The following PAFAH1B3 variants were observed in gnomAD, a reference collection of about 807,000 sequenced individuals.
PAFAH1B3 encodes the protein platelet activating factor acetylhydrolase 1b catalytic subunit 3.
A neutral mutation model predicts 24.4 loss-of-function variants in PAFAH1B3; 15 were observed. The observed-to-expected ratio is 0.62, with a 90% CI of 0.41 to 0.95. The LOEUF (loss-of-function observed/expected upper bound fraction) is 0.95, where lower values mean the gene tolerates loss of function less well. Ranked by LOEUF, PAFAH1B3 falls within the 40% of genes least tolerant of loss-of-function variation. The probability of loss-of-function intolerance (pLI) is 0.00; values close to 1 mark genes in which losing one functional copy is unlikely to be tolerated. For synonymous variants in PAFAH1B3, 144 were observed against 126.5 expected (o/e 1.14, Z -0.93); for missense variants, 266 against 312.2 (o/e 0.85, Z 1.12).
chr19:42,297,932 C>A (rs1358556298), intron 4 of PAFAH1B3, among the ~76,000 whole-genome samples: 1 of 152,046 alleles, frequency 6.6e-6, no homozygotes, highest in Non-Finnish European at 1.5e-5. Flanking sequence ...CAGTGGCTCA[C>A]GCCTGTAATC....
Position 42,301,805 on chromosome 19 carries a change from C to A in PAFAH1B3, c.168+145G>T, listed in dbSNP as rs894016940. On this transcript the variant is annotated intron_variant, in intron 2 of 4. Transcript: ENST00000262890. ...ATTTCTTTCTCAATAGAATGTTGCA[C>A]CTTACACCAAGATTCTCAGAGCCTC... is the stretch of plus-strand genomic sequence containing the variant. 1.4e-5 allele frequency: 9 copies of A among 630,490 alleles called. No homozygotes were observed. In the South Asian group the frequency reaches 1.7e-4, roughly 12 times the overall value. The allele number at this position is 630,490 out of a possible 1,614,324, so 39.1% of individuals were successfully genotyped here.
In PAFAH1B3 at chr19:42,300,109, A is replaced by G. The variant is rs199884824; in HGVS notation, c.286-17T>C. 184 of 1,613,916 alleles carry G rather than the reference A, an allele frequency of 1.1e-4. No individual in the cohort carries two copies. The highest frequency in any genetic ancestry group is 3.7e-5 in the Non-Finnish European group (44 of 1,179,952). On this transcript the variant is annotated splice_polypyrimidine_tract_variant and intron_variant, in intron 3 of 4. Coordinates refer to ENST00000262890, the MANE Select transcript of PAFAH1B3 (RefSeq NM_002573.4). ...CACCACAATCTGTGGAAAAAGAGAC[A>G]TGAAGCAGCGGTGAGGGGGCAGCCA... is the stretch of plus-strand genomic sequence containing the variant.
intron 4 of PAFAH1B3, 53 bp downstream of exon 4, chr19:42,299,917 A>AG: frequency 1.2e-6 from 2 of 1,609,092 alleles, no homozygotes; most frequent in Admixed American, 3.3e-5. Flanking sequence ...GCTATATCTG[A>AG]GGGGGTCCCA....
In PAFAH1B3 at chr19:42,302,271, C is replaced by A. The variant is rs563279266; in HGVS notation, c.39G>T (p.Pro13=). Residue 13 remains proline, a synonymous_variant, in exon 1 of 5, where the codon CCG becomes CCT. Transcript: ENST00000262890. The stretch of plus-strand genomic sequence containing the variant: ...GCCCGTCGCCCTGTACGTCCTGCAC[C>A]GGCGTGGGCTTGCTGGCTGGGTTCT... ...GEENPASKPT[P]VQDVQGDGRW... 73 of 1,607,294 alleles carry A rather than the reference C, an allele frequency of 4.5e-5. No individual in the cohort carries two copies. The South Asian group carries it at 7.1e-4, about 16-fold the overall frequency.
In PAFAH1B3 at chr19:42,299,978, C is replaced by A; in HGVS notation, c.400G>T (p.Val134Leu). The stretch of plus-strand genomic sequence containing the variant: ...CTCTCCCAGCCTCTCACCAGCACCA[C>A]AACCCGGGCCTGGGGCTGTCGCTCA... ...VNERQPQARV[V>L]VLGLLPRGQH... Residue 134 changes from valine to leucine, a missense_variant, in exon 4 of 5, where the codon GTG becomes TTG. By Grantham distance (32) the Val-to-Leu change is conservative (BLOSUM62 1). Transcript: ENST00000262890. 6.2e-7 allele frequency: 1 copy of A among 1,614,144 alleles called. No individual in the cohort carries two copies. The highest frequency in any genetic ancestry group is 1.1e-5 in the South Asian group (1 of 91,068).
At position 42,300,182 on chromosome 19, in the gene PAFAH1B3, T is replaced by C; in HGVS notation, c.274A>G (p.Ile92Val). 1 of 1,614,180 alleles carries C rather than the reference T, an allele frequency of 6.2e-7. No homozygotes were observed. The highest frequency in any genetic ancestry group is 8.5e-7 in the Non-Finnish European group (1 of 1,180,018). The change falls in exon 3 of 5, where the codon ATC becomes GTC. Residue 92 changes from isoleucine (I) to valine (V), a missense_variant. Ile to Val is a conservative substitution (Grantham distance 29). Transcript: ENST00000262890. ...WRLENGELEH[I>V]RPKIVVVWVG... ...CAAGCCCCGCTCACCTTGGGCCGGA[T>C]GTGTTCCAGCTCCCCATTCTCCAGC...
intron 4 of PAFAH1B3, among the ~76,000 whole-genome samples, chr19:42,298,101 G>A (rs573614492): frequency 1.1e-4 from 16 of 152,272 alleles, no homozygotes; most frequent in Non-Finnish European, 2.2e-4. Flanking sequence ...GGAGGCTGAC[G>A]TGGGAGAATC....
rs558490503 is a variant in PAFAH1B3 at position 42,299,344 on chromosome 19, C to T, written c.408+626G>A. On this transcript the variant is annotated intron_variant, in intron 4 of 4. Transcript: ENST00000262890. ...TGTGGTCAGGCTGGTCTTGAACTCC[C>T]GACCTCAGGTGATCTGCTTGCCTCG... is the stretch of plus-strand genomic sequence containing the variant. 1.9e-4 allele frequency among the ~76,000 whole-genome samples: 29 copies of T among 152,066 alleles called. No individual in the cohort carries two copies. The South Asian group carries it at 6.0e-3, about 32-fold the overall frequency.
intron 2 of PAFAH1B3, 107 bp downstream of exon 2, chr19:42,301,843 G>GCCAATC: frequency 1.2e-6 from 1 of 846,506 alleles, no homozygotes; most frequent in Non-Finnish European, 1.9e-6. Context: ...GCTGCCTGAG[G>GCCAATC]CCAATCTGGG....
chr19:42,302,759 C>T (rs1181601825), upstream of PAFAH1B3: 2 of 161,374 alleles, frequency 1.2e-5, no homozygotes, highest in East Asian at 3.6e-4. Context: ...GGGAAGAAAC[C>T]ATTTGCTGTA....
In PAFAH1B3 at chr19:42,300,165, G is replaced by C. The variant is rs202118113; in HGVS notation, c.285+6C>G. 6.2e-7 allele frequency: 1 copy of C among 1,613,976 alleles called. No individual in the cohort carries two copies. The highest frequency in any genetic ancestry group is 8.5e-7 in the Non-Finnish European group (1 of 1,179,966). On this transcript the variant is annotated splice_donor_region_variant and intron_variant, in intron 3 of 4. Transcript: ENST00000262890. The stretch of plus-strand genomic sequence containing the variant: ...TGTTTTAGAGCCCCACCCAAGCCCC[G>C]CTCACCTTGGGCCGGATGTGTTCCA...
intron 2 of PAFAH1B3, among the ~76,000 whole-genome samples, chr19:42,300,556 C>T (rs1304884375): frequency 6.6e-6 from 1 of 152,192 alleles, no homozygotes; most frequent in African/African-American, 2.4e-5. Flanking sequence ...CTCACTCTGT[C>T]ACCCAGGCTG....
At position 42,300,276 on chromosome 19, in the gene PAFAH1B3, C is replaced by G; in HGVS notation, c.180G>C (p.Glu60Asp). Residue 60 changes from glutamate to aspartate, a missense_variant, in exon 3 of 5, where the codon GAG (glutamate) becomes GAC (aspartate). Physicochemically the swap from Glu to Asp is conservative, Grantham distance 45 (BLOSUM62 2). Coordinates refer to ENST00000262890, the MANE Select transcript of PAFAH1B3 (RefSeq NM_002573.4). ...QLMHQCEIWR[E>D]LFSPLHALNF... ...TAAGTGCATGCAGAGGAGAGAAGAGCTCGCGCCAGATCTGTGGGCAAGAAG... is the reference window on the plus strand; with the variant it reads ...TAAGTGCATGCAGAGGAGAGAAGAGGTCGCGCCAGATCTGTGGGCAAGAAG... 1.9e-6 allele frequency: 3 copies of G among 1,614,202 alleles called. No homozygotes were observed. Among genetic ancestry groups the G allele is most frequent in the Non-Finnish European group, 2.5e-6 (3 of 1,180,012 alleles).
In PAFAH1B3 at chr19:42,297,133, C is replaced by T. The variant is rs370017491; in HGVS notation, c.641G>A (p.Arg214His). The T allele has an allele frequency of 1.2e-5, 20 of 1,612,498 alleles. No homozygotes were observed. Among genetic ancestry groups the T allele is most frequent in the East Asian group, 2.2e-5 (1 of 44,828 alleles). The change falls in exon 5 of 5, where the codon CGT becomes CAT. Residue 214 changes from arginine to histidine, a missense_variant. Coordinates refer to ENST00000262890, the MANE Select transcript of PAFAH1B3 (RefSeq NM_002573.4). ...TTGGCCCTGGTCTTGGGCCAGCAGA[C>T]GCAGAAGCAGGGAGTGCAGAGCCCG... is the stretch of plus-strand genomic sequence containing the variant. ...VCRALHSLLL[R>H]LLAQDQGQGA...
chr19:42,297,201 A>G lies in PAFAH1B3; in HGVS notation c.573T>C (p.Tyr191=), dbSNP rs2038537952. The G allele has an allele frequency of 1.9e-6, 3 of 1,614,138 alleles. No homozygotes were observed. Among genetic ancestry groups the G allele is most frequent in the Non-Finnish European group, 2.5e-6 (3 of 1,180,020 alleles). The change falls in exon 5 of 5, where the codon TAT becomes TAC. Residue 191 remains tyrosine, a synonymous_variant. Transcript: ENST00000262890. ...SDGTISHHDM[Y]DYLHLSRLGY... is the part of the protein sequence containing the mutation. ...CCAGGCGGCTCAGATGCAGGTAATCATACATGTCATGATGGCTGATGGTGC... is the reference window on the plus strand; with the variant it reads ...CCAGGCGGCTCAGATGCAGGTAATCGTACATGTCATGATGGCTGATGGTGC...
intron 1 of PAFAH1B3, 53 bp downstream of exon 1, chr19:42,302,179 G>C: frequency 6.5e-7 from 1 of 1,529,118 alleles, no homozygotes. Context: ...CCGTTCTCCT[G>C]AGCCACCCCC....
chr19:42,300,355 C>A, intron 2 of PAFAH1B3, 68 bp from the exon 3 acceptor site: 1 of 1,318,040 alleles, frequency 7.6e-7, no homozygotes, highest in Non-Finnish European at 1.1e-6. Flanking sequence ...ATGGACCATC[C>A]CCCTCTGTCC....
At chr19:42,302,124 C>A (rs1568538592) in intron 1 of PAFAH1B3, 85 bp from the exon 2 acceptor site, 1 of 1,495,150 alleles carries the variant, frequency 6.7e-7, no homozygotes, top group Non-Finnish European at 9.1e-7. Flanking sequence ...GCCTCCTCAA[C>A]TGCCCTCAGT....
At chr19:42,300,919 A>G (rs1047576515) in intron 2 of PAFAH1B3, among the ~76,000 whole-genome samples, 1 of 152,104 alleles carries the variant, frequency 6.6e-6, no homozygotes, top group Non-Finnish European at 1.5e-5. Context: ...GGTTCTGGCG[A>G]TTCTCCTGCC....
Sources: allele counts gnomAD v4.1 joint callset (sites outside exome capture counted in the v4.1 genomes callset), GRCh38; gene constraint gnomAD v4.1.1; transcripts MANE v1.5; gene names NCBI Gene and HGNC (gene_info 2026-07-23, HGNC 2026-07-21).